BMPR1A: variants seen among roughly 807,000 people sequenced by gnomAD.
The protein encoded by BMPR1A is bone morphogenetic protein receptor type 1A, also known as bone morphogenetic protein receptor type-1A.
Under a neutral mutation model 66.0 loss-of-function variants are expected in BMPR1A, and 7 were observed. The ratio of observed to expected loss-of-function variants is 0.11; its 90% CI spans 0.06 to 0.20. The LOEUF is 0.20. Among genes scored for constraint, BMPR1A ranks in the 10% least tolerant of loss-of-function variants. BMPR1A has a pLI of 1.00. For synonymous variants in BMPR1A, 200 were observed against 229.7 expected, an observed-to-expected ratio of 0.87 and a Z score of 1.17; for missense variants, 408 against 669.1, an observed-to-expected ratio of 0.61 and a Z score of 4.31.
intron 1 of BMPR1A, among the ~76,000 whole-genome samples, chr10:86,836,330 T>A (rs1422042921): frequency 3.9e-5 from 6 of 152,222 alleles, no homozygotes; most frequent in Non-Finnish European, 7.3e-5. Flanking sequence ...ACTTCCAGTG[T>A]GTACAATGTG....
chr10:86,835,266 G>C (rs1589738619), intron 1 of BMPR1A, among the ~76,000 whole-genome samples: 2 of 141,220 alleles, frequency 1.4e-5, no homozygotes, highest in South Asian at 4.6e-4. Flanking sequence ...AAAAAAAACA[G>C]AAAAAAAACA....
At position 86,883,877 on chromosome 10, in the gene BMPR1A, T is replaced by C. The variant is rs866919402; in HGVS notation, c.68-6185T>C. Among the ~76,000 whole-genome samples, 275 of 151,644 alleles carry C rather than the reference T, an allele frequency of 1.8e-3. 6 individuals are homozygous for C. The highest frequency in any genetic ancestry group is 6.3e-3 in the African/African-American group (261 of 41,426). On this transcript the variant is annotated intron_variant, in intron 3 of 12. Coordinates refer to ENST00000372037, the MANE Select transcript of BMPR1A (RefSeq NM_004329.3). ...ACTTTGTTTGAGCGTATGACTTTTT[T>C]TTTTTTTTTTCTATTTGAGACGAGT...
At chr10:86,882,386 G>C (rs1458968232) in intron 3 of BMPR1A, among the ~76,000 whole-genome samples, 1 of 151,948 alleles carries the variant, frequency 6.6e-6, no homozygotes, top group Non-Finnish European at 1.5e-5. Flanking sequence ...TTGGGCCACT[G>C]AACTCCAGCC....
chr10:86,785,759 T>A (rs1033327275), intron 1 of BMPR1A, among the ~76,000 whole-genome samples: 3 of 152,206 alleles, frequency 2.0e-5, no homozygotes, highest in African/African-American at 7.2e-5. Flanking sequence ...TGTTTTTTCT[T>A]TCAATTCTGT....
intron 1 of BMPR1A, among the ~76,000 whole-genome samples, chr10:86,762,800 TG>T (rs1841090013): frequency 6.6e-6 from 1 of 152,214 alleles, no homozygotes; most frequent in African/African-American, 2.4e-5. Flanking sequence ...CTGTTCAGGA[TG>T]CGGGTACTTT....
In BMPR1A at chr10:86,821,524, G is replaced by A. The variant is rs188646183; in HGVS notation, c.-267-17341G>A. Among the ~76,000 whole-genome samples the A allele has an allele frequency of 2.2e-3, 333 of 152,204 alleles. 4 individuals are homozygous for A. The highest frequency in any genetic ancestry group is 7.8e-3 in the African/African-American group (323 of 41,530). The stretch of plus-strand genomic sequence containing the variant: ...TTTTATTAGTAGGATTGCTCAGCTA[G>A]TGGGTACATCATGCTCATTGCTAAG... On this transcript the variant is annotated intron_variant, in intron 1 of 12. Coordinates refer to ENST00000372037, the MANE Select transcript of BMPR1A (RefSeq NM_004329.3).
intron 8 of BMPR1A, among the ~76,000 whole-genome samples, chr10:86,914,044 G>A (rs1252921469): frequency 6.6e-6 from 1 of 151,856 alleles, no homozygotes; most frequent in African/African-American, 2.4e-5. Context: ...ACTGGCATAA[G>A]GATAGATGTA....
intron 3 of BMPR1A, among the ~76,000 whole-genome samples, chr10:86,881,513 A>G (rs189792483): frequency 1.2e-3 from 185 of 152,334 alleles, no homozygotes; most frequent in African/African-American, 4.3e-3. Flanking sequence ...ATAAGCAGGC[A>G]TTTGGTTCCC....
intron 2 of BMPR1A, among the ~76,000 whole-genome samples, chr10:86,868,087 A>G (rs1487946695): frequency 2.0e-5 from 3 of 152,198 alleles, no homozygotes; most frequent in African/African-American, 7.2e-5. Context: ...TCCCTGTTTT[A>G]GGTCTTCACT....
chr10:86,819,790 G>T lies in BMPR1A; in HGVS notation c.-267-19075G>T, dbSNP rs113825981. On this transcript the variant is annotated intron_variant, in intron 1 of 12. Transcript: ENST00000372037. ...GTAACAGTCTCCAGGCATACCATGG[G>T]TTCTTCAGTTATGAGTGGCATAGCT... Among the ~76,000 whole-genome samples, 10 of 152,292 alleles carry T rather than the reference G, an allele frequency of 6.6e-5. 1 individual carries two copies. The highest frequency in any genetic ancestry group is 1.9e-4 in the African/African-American group (8 of 41,564).
intron 1 of BMPR1A, among the ~76,000 whole-genome samples, chr10:86,821,297 T>G (rs1842116934): frequency 6.6e-6 from 1 of 152,218 alleles, no homozygotes; most frequent in Admixed American, 6.5e-5. Context: ...ACTTCTAGGG[T>G]TGCTGTAAGT....
At chr10:86,860,025 A>G (rs1301202990) in intron 2 of BMPR1A, among the ~76,000 whole-genome samples, 2 of 151,890 alleles carry the variant, frequency 1.3e-5, no homozygotes, top group Admixed American at 1.3e-4. Flanking sequence ...GTCCATCAAC[A>G]TGGTTGTGCA....
intron 9 of BMPR1A, 98 bp downstream of exon 9, chr10:86,917,424 TATATAC>T: frequency 1.4e-6 from 2 of 1,416,942 alleles, no homozygotes; most frequent in Non-Finnish European, 2.0e-6. Context: ...TGAGTTCAAC[TATATAC>T]ATTTGGCTAA....
chr10:86,856,386 G>T, intron 2 of BMPR1A: 1 of 311,250 alleles, frequency 3.2e-6, no homozygotes, highest in Non-Finnish European at 6.3e-6. Flanking sequence ...CCAGAGTCTC[G>T]CCCCGAGGCA....
chr10:86,893,593 TCC>T (rs1053179026), intron 5 of BMPR1A, among the ~76,000 whole-genome samples: 2 of 152,062 alleles, frequency 1.3e-5, no homozygotes, highest in African/African-American at 4.8e-5. Context: ...ATCAAGACCA[TCC>T]GGCTAACATG....
intron 1 of BMPR1A, among the ~76,000 whole-genome samples, chr10:86,815,925 C>G (rs1842030836): frequency 6.6e-6 from 1 of 152,212 alleles, no homozygotes; most frequent in Non-Finnish European, 1.5e-5. Context: ...CATGAAGATG[C>G]TCTGCTCTCT....
At chr10:86,911,609 G>A (rs1271345720) in intron 7 of BMPR1A, among the ~76,000 whole-genome samples, 3 of 152,066 alleles carry the variant, frequency 2.0e-5, no homozygotes, top group Non-Finnish European at 2.9e-5. Context: ...GATTAGCTGG[G>A]CATGGTGGCA....
chr10:86,864,428 C>T (rs1394360640), intron 2 of BMPR1A, among the ~76,000 whole-genome samples: 1 of 152,204 alleles, frequency 6.6e-6, no homozygotes, highest in Non-Finnish European at 1.5e-5. Context: ...CTAATGACTT[C>T]TCTGCTAGCA....
intron 7 of BMPR1A, among the ~76,000 whole-genome samples, chr10:86,908,228 AAAGAT>A (rs1351944579): frequency 6.6e-6 from 1 of 152,184 alleles, no homozygotes; most frequent in East Asian, 1.9e-4. Context: ...AAGAAAAACA[AAAGAT>A]AAATATTTGA....
Sources: allele counts gnomAD v4.1 joint callset (sites outside exome capture counted in the v4.1 genomes callset), GRCh38; gene constraint gnomAD v4.1.1; transcripts MANE v1.5; gene names NCBI Gene and HGNC (gene_info 2026-07-23, HGNC 2026-07-21).